The following LOXL2 variants were observed in gnomAD, a reference collection of about 807,000 sequenced individuals.
LOXL2 encodes the protein lysyl oxidase homolog 2.
In LOXL2, 70 loss-of-function variants were observed where a neutral mutation model predicts 93.0. That is an observed-to-expected ratio of 0.75 (90% CI 0.62 to 0.92). The LOEUF (loss-of-function observed/expected upper bound fraction) is 0.92. Ranked by LOEUF, LOXL2 falls within the 40% of genes least tolerant of loss-of-function variation. The pLI is 0.00. For synonymous variants in LOXL2, 438 were observed against 413.2 expected (o/e 1.06, Z -0.73); for missense variants, 973 against 1,054.9 (o/e 0.92, Z 1.08).
At position 23,390,003 on chromosome 8, in the gene LOXL2, C is replaced by T. The variant is rs80316030; in HGVS notation, c.-84+13951G>A. On this transcript the variant is annotated intron_variant, in intron 1 of 13. Coordinates refer to ENST00000389131, the MANE Select transcript of LOXL2 (RefSeq NM_002318.3). ...GCTTGCAACAGTGTGGCCCAGAGCT[C>T]GGCTGAATTTCTTCCTTCCAGACAG... is the stretch of plus-strand genomic sequence containing the variant. Among the ~76,000 whole-genome samples, 168 of 152,286 alleles carry T rather than the reference C, an allele frequency of 1.1e-3. 2 individuals carry two copies. In the East Asian group the frequency reaches 0.017, roughly 15 times the overall value.
chr8:23,330,885 G>C (rs1193635594), intron 5 of LOXL2, among the ~76,000 whole-genome samples: 1 of 152,114 alleles, frequency 6.6e-6, no homozygotes, highest in Non-Finnish European at 1.5e-5. Context: ...GCACACATAT[G>C]ATGGTGTGGT....
At chr8:23,342,712 T>C (rs1320942464) in intron 3 of LOXL2, among the ~76,000 whole-genome samples, 1 of 152,152 alleles carries the variant, frequency 6.6e-6, no homozygotes, top group Non-Finnish European at 1.5e-5. Context: ...ATTACAGGCA[T>C]GAGCCACCGT....
chr8:23,334,982 A>G (rs1803766990), intron 4 of LOXL2, among the ~76,000 whole-genome samples: 1 of 151,958 alleles, frequency 6.6e-6, no homozygotes, highest in Admixed American at 6.6e-5. Context: ...ACATCCGGCT[A>G]ATTTTGTATT....
chr8:23,348,245 G>A lies in LOXL2; in HGVS notation c.532-7042C>T, dbSNP rs563151556. On this transcript the variant is annotated intron_variant, in intron 3 of 13. Transcript: ENST00000389131. The stretch of plus-strand genomic sequence containing the variant: ...CACAGGGAGGGGAACATCACACACC[G>A]GGGCCTGTCGTGGGGTGGGGGGAGG... Among the ~76,000 whole-genome samples the A allele has an allele frequency of 9.6e-5, 13 of 135,736 alleles. No homozygotes were observed. The East Asian group carries it at 1.5e-3, about 16-fold the overall frequency. 89.0% of individuals were successfully genotyped at this position (135,736 alleles called of 152,430 possible). A position where few individuals can be genotyped will look rare whatever the true frequency, so the allele number is the denominator to read the frequency against.
In LOXL2 at chr8:23,298,100, C is replaced by T. The variant is rs764071475; in HGVS notation, c.2268G>A (p.Thr756=). 2.9e-5 allele frequency: 46 copies of T among 1,613,540 alleles called. No homozygotes were observed. Among genetic ancestry groups the T allele is most frequent in the Admixed American group, 1.7e-4 (10 of 60,000 alleles). ...CHIGGSFSEE[T]EKKFEHFSGL... is the part of the protein sequence containing the mutation. ...CGCTGAAGTGCTCAAACTTTTTTTCCGTCTCTTCGCTGAAGGAACCACCTG... is the reference window on the plus strand; with the variant it reads ...CGCTGAAGTGCTCAAACTTTTTTTCTGTCTCTTCGCTGAAGGAACCACCTG... Residue 756 remains threonine (T), a synonymous_variant, in exon 14 of 14, where the codon ACG becomes ACA. Transcript: ENST00000389131.
intron 10 of LOXL2, among the ~76,000 whole-genome samples, chr8:23,305,099 T>TAG (rs1563184501): frequency 2.6e-5 from 4 of 152,136 alleles, no homozygotes; most frequent in African/African-American, 9.7e-5. Context: ...AAAGTCTATT[T>TAG]TGGCTTCTTG....
At chr8:23,308,229 A>G (rs1189749665) in intron 10 of LOXL2, among the ~76,000 whole-genome samples, 1 of 152,190 alleles carries the variant, frequency 6.6e-6, no homozygotes, top group Non-Finnish European at 1.5e-5. Context: ...GCGGAGCCTC[A>G]ACATCATCTA....
chr8:23,373,078 C>T (rs1804524508), intron 1 of LOXL2, among the ~76,000 whole-genome samples: 1 of 151,988 alleles, frequency 6.6e-6, no homozygotes, highest in Non-Finnish European at 1.5e-5. Context: ...GTAGAAAATC[C>T]CCAAATATTT....
chr8:23,361,744 G>C (rs1804293787), intron 2 of LOXL2, among the ~76,000 whole-genome samples: 1 of 152,192 alleles, frequency 6.6e-6, no homozygotes, highest in Non-Finnish European at 1.5e-5. Flanking sequence ...GGGAGGCTGA[G>C]GCAGAGAATC....
chr8:23,314,938 A>T (rs1482772886), intron 9 of LOXL2, among the ~76,000 whole-genome samples: 1 of 152,238 alleles, frequency 6.6e-6, no homozygotes, highest in African/African-American at 2.4e-5. Context: ...AGTGTGGTGC[A>T]GTCACTGAGG....
chr8:23,376,801 T>A (rs1415039516), intron 1 of LOXL2, among the ~76,000 whole-genome samples: 1 of 152,244 alleles, frequency 6.6e-6, no homozygotes, highest in African/African-American at 2.4e-5. Flanking sequence ...TTTATCATTT[T>A]TTATTGCATT....
chr8:23,377,421 T>C (rs912249176), intron 1 of LOXL2, among the ~76,000 whole-genome samples: 3 of 150,268 alleles, frequency 2.0e-5, no homozygotes, highest in Admixed American at 1.3e-4. Context: ...ATTCTGTTGA[T>C]TTGGGATGGA....
chr8:23,394,619 T>C (rs1259004376), intron 1 of LOXL2, among the ~76,000 whole-genome samples: 1 of 152,074 alleles, frequency 6.6e-6, no homozygotes, highest in African/African-American at 2.4e-5. Context: ...CCCAAAGATG[T>C]GGAGAAATTA....
At chr8:23,343,160 T>C (rs1563196530) in intron 3 of LOXL2, among the ~76,000 whole-genome samples, 1 of 152,230 alleles carries the variant, frequency 6.6e-6, no homozygotes, top group Admixed American at 6.5e-5. Flanking sequence ...ATTCCACTTA[T>C]GCCTCCAGCC....
intron 9 of LOXL2, among the ~76,000 whole-genome samples, chr8:23,311,455 G>A (rs1367581767): frequency 6.6e-6 from 1 of 152,242 alleles, no homozygotes; most frequent in Non-Finnish European, 1.5e-5. Context: ...TTATGAGGGT[G>A]TCATGTGAGC....
Position 23,297,907 on chromosome 8 carries a change from A to C in LOXL2, c.*136T>G, listed in dbSNP as rs1803063247. The C allele has an allele frequency of 1.5e-6, 1 of 660,240 alleles. No individual in the cohort carries two copies. The highest frequency in any genetic ancestry group is 2.5e-5 in the Admixed American group (1 of 39,588). The allele number at this position is 660,240 out of a possible 1,614,324, so 40.9% of individuals were successfully genotyped here. A position where few individuals can be genotyped will look rare whatever the true frequency, so the allele number is the denominator to read the frequency against. ...TCCCTTTCCTCCTGAGCTTAGACAC[A>C]GCTGTAGGGGTCTGGACAGGGTGGG... On this transcript the variant is annotated 3_prime_UTR_variant, in exon 14 of 14. Transcript: ENST00000389131.
chr8:23,377,945 G>A (rs1011147501), intron 1 of LOXL2, among the ~76,000 whole-genome samples: 151 of 152,002 alleles, frequency 9.9e-4, no homozygotes, highest in Non-Finnish European at 1.7e-3. Context: ...TTACATTTAA[G>A]GTTAATATTG....
chr8:23,367,813 C>T (rs374099159), intron 2 of LOXL2, among the ~76,000 whole-genome samples, 184 bp downstream of exon 2: 47 of 152,328 alleles, frequency 3.1e-4, no homozygotes, highest in African/African-American at 1.0e-3. Context: ...TCAAGCCCCC[C>T]GACCCCGCCT....
intron 6 of LOXL2, among the ~76,000 whole-genome samples, chr8:23,328,109 G>A (rs913326371): frequency 1.4e-4 from 21 of 152,280 alleles, no homozygotes; most frequent in African/African-American, 4.6e-4. Context: ...ACCTACGGGG[G>A]AGTATTCATT....
Sources: allele counts gnomAD v4.1 joint callset (sites outside exome capture counted in the v4.1 genomes callset), GRCh38; gene constraint gnomAD v4.1.1; transcripts MANE v1.5; gene names NCBI Gene and HGNC (gene_info 2026-07-23, HGNC 2026-07-21).